The following TASP1 variants were observed in gnomAD, a reference collection of about 807,000 sequenced individuals.
TASP1 encodes the protein threonine aspartase 1.
Under a neutral mutation model 56.6 loss-of-function variants are expected in TASP1, and 16 were observed. The ratio of observed to expected loss-of-function variants is 0.28; its 90% confidence interval spans 0.19 to 0.43. The LOEUF is 0.43. Among genes scored for constraint, TASP1 ranks in the 20% least tolerant of loss-of-function variants. TASP1 has a pLI of 1.00. For synonymous variants in TASP1, 179 were observed against 184.2 expected, an observed-to-expected ratio of 0.97 and a Z score of 0.23; for missense variants, 393 against 511.6, an observed-to-expected ratio of 0.77 and a Z score of 2.24.
At chr20:13,468,810 GA>G (rs1044477446) in intron 11 of TASP1, among the ~76,000 whole-genome samples, 4 of 148,436 alleles carry the variant, frequency 2.7e-5, no homozygotes, top group African/African-American at 9.8e-5. Flanking sequence ...ACCCTTAGGA[GA>G]AAAAAAATTT....
At chr20:13,267,681 G>A in the TASP1 span, among the ~76,000 whole-genome samples, 6 of 152,136 alleles carry the variant, frequency 3.9e-5, no homozygotes, top group Non-Finnish European at 7.4e-5. Context: ...ATCAGACTTA[G>A]TCCCTGTTTT....
At chr20:13,148,813 C>T in the TASP1 span, among the ~76,000 whole-genome samples, 2 of 152,238 alleles carry the variant, frequency 1.3e-5, no homozygotes, top group Admixed American at 1.3e-4. Flanking sequence ...GTTTGCCAAG[C>T]TCTCCAGATG....
the TASP1 span, among the ~76,000 whole-genome samples, chr20:13,363,795 G>A: frequency 6.6e-6 from 1 of 152,178 alleles, no homozygotes. Context: ...TGCAGGGAGG[G>A]GGAACCCACA....
At chr20:13,245,193 G>A in the TASP1 span, 4 of 152,074 alleles carry the variant, frequency 2.6e-5, no homozygotes, top group South Asian at 2.1e-4. Context: ...AAGAACACAC[G>A]TTTATTATCT....
chr20:13,152,400 A>G, the TASP1 span, among the ~76,000 whole-genome samples: 1 of 152,184 alleles, frequency 6.6e-6, no homozygotes, highest in African/African-American at 2.4e-5. Context: ...TTTGGTTATA[A>G]GAGGCAGAAG....
chr20:13,438,594 G>C (rs900042226), intron 11 of TASP1, among the ~76,000 whole-genome samples: 2 of 152,088 alleles, frequency 1.3e-5, no homozygotes, highest in African/African-American at 4.8e-5. Flanking sequence ...CATAGCCATG[G>C]GCAAGGACTT....
chr20:13,614,325 C>A (rs1374471605), intron 4 of TASP1, among the ~76,000 whole-genome samples: 1 of 151,146 alleles, frequency 6.6e-6, no homozygotes, highest in Non-Finnish European at 1.5e-5. Context: ...CAACATACTT[C>A]ATTTAAAAAA....
the TASP1 span, among the ~76,000 whole-genome samples, chr20:13,152,399 A>G: frequency 6.6e-6 from 1 of 152,188 alleles, no homozygotes; most frequent in African/African-American, 2.4e-5. Context: ...ATTTGGTTAT[A>G]AGAGGCAGAA....
In TASP1 at chr20:13,626,459, T is replaced by C. The variant is rs370571998; in HGVS notation, c.146-1207A>G. ...CAAACAAACAAACACATGTTTTCCA[T>C]TTTAAAAAAGACAAAAACAGAAAAG... On this transcript the variant is annotated intron_variant, in intron 2 of 13. Transcript: ENST00000337743. 3.5e-4 allele frequency among the ~76,000 whole-genome samples: 53 copies of C among 152,246 alleles called. No homozygotes were observed. In the South Asian group the frequency reaches 1.0e-2, roughly 29 times the overall value.
chr20:13,105,580 T>C, the TASP1 span, among the ~76,000 whole-genome samples: 1 of 152,218 alleles, frequency 6.6e-6, no homozygotes, highest in Non-Finnish European at 1.5e-5. Context: ...TTATGTGACC[T>C]TTTTGGTGCA....
At chr20:13,397,283 C>G (rs576119209) in intron 13 of TASP1, among the ~76,000 whole-genome samples, 18 of 152,302 alleles carry the variant, frequency 1.2e-4, no homozygotes, top group African/African-American at 4.1e-4. Flanking sequence ...GATGCAGAAA[C>G]TAGTTCTTTG....
chr20:13,317,660 T>G, the TASP1 span, among the ~76,000 whole-genome samples: 1 of 152,086 alleles, frequency 6.6e-6, no homozygotes, highest in Non-Finnish European at 1.5e-5. Flanking sequence ...CAGTTGACCT[T>G]TGACAAGGGA....
chr20:13,512,568 T>C (rs2044375246), intron 10 of TASP1, among the ~76,000 whole-genome samples: 1 of 152,056 alleles, frequency 6.6e-6, no homozygotes, highest in Non-Finnish European at 1.5e-5. Context: ...TTCACTCTGA[T>C]AGTAGTTTTT....
At chr20:13,359,333 G>A in the TASP1 span, among the ~76,000 whole-genome samples, 1 of 151,146 alleles carries the variant, frequency 6.6e-6, no homozygotes, top group Non-Finnish European at 1.5e-5. Flanking sequence ...ACTGAAAATC[G>A]GACTGTTCAA....
intron 13 of TASP1, among the ~76,000 whole-genome samples, chr20:13,415,456 T>C (rs2042224544): frequency 6.6e-6 from 1 of 150,886 alleles, no homozygotes; most frequent in Non-Finnish European, 1.5e-5. Context: ...TTTTTTTTTT[T>C]TTTTTCCTTG....
At chr20:13,376,692 G>C in the TASP1 span, among the ~76,000 whole-genome samples, 1 of 152,082 alleles carries the variant, frequency 6.6e-6, no homozygotes, top group Admixed American at 6.5e-5. Context: ...TCACAATTTT[G>C]ATTCTTCCTA....
chr20:13,113,354 C>T, the TASP1 span, among the ~76,000 whole-genome samples: 2 of 152,084 alleles, frequency 1.3e-5, no homozygotes, highest in East Asian at 1.9e-4. Context: ...CAGATTTTTT[C>T]TCTTGCTTAT....
At chr20:13,131,339 C>T in the TASP1 span, among the ~76,000 whole-genome samples, 1 of 152,102 alleles carries the variant, frequency 6.6e-6, no homozygotes, top group Non-Finnish European at 1.5e-5. Context: ...GCAGTGGTGC[C>T]CGGCCTGACA....
intron 4 of TASP1, among the ~76,000 whole-genome samples, chr20:13,591,819 A>G (rs1433005694): frequency 6.6e-6 from 1 of 152,212 alleles, no homozygotes; most frequent in East Asian, 1.9e-4. Flanking sequence ...TGAGGAATGA[A>G]TGGAAGTGTA....
Sources: gnomAD v4.1 joint callset for allele counts (sites outside exome capture counted in the v4.1 genomes callset) on GRCh38, gnomAD v4.1.1 for gene constraint, MANE v1.5 for transcripts, NCBI Gene and HGNC (gene_info 2026-07-23, HGNC 2026-07-21) for gene names.